Variants in CCNY observed in about 807,000 individuals in gnomAD.
The protein encoded by CCNY is cyclin Y.
CCNY carries 19 observed loss-of-function variants against 42.8 expected under a neutral mutation model. The ratio of observed to expected loss-of-function variants is 0.44; its 90% CI spans 0.31 to 0.65. The LOEUF is 0.65. CCNY is among the 30% of genes least tolerant of loss of function. CCNY has a pLI of 0.07. For missense variants in CCNY, 370 were observed against 437.3 expected, an observed-to-expected ratio of 0.85 and a Z score of 1.37; for synonymous variants, 165 against 162.7, an observed-to-expected ratio of 1.01 and a Z score of -0.11.
At chr10:35,516,109 G>A in intron 3 of CCNY, among the ~76,000 whole-genome samples, 1 of 152,190 alleles carries the variant, frequency 6.6e-6, no homozygotes, top group East Asian at 1.9e-4. Flanking sequence ...CAAGAGTAAG[G>A]AAAGTGGGTA....
chr10:35,521,707 A>C (rs1393680105), intron 4 of CCNY, among the ~76,000 whole-genome samples: 1 of 152,164 alleles, frequency 6.6e-6, no homozygotes, highest in Non-Finnish European at 1.5e-5. Context: ...TTTGTTGCAC[A>C]GATTGACAGT....
At position 35,563,244 on chromosome 10, in the gene CCNY, A is replaced by G. The variant is rs571060799; in HGVS notation, c.747-2779A>G. Among the ~76,000 whole-genome samples the G allele has an allele frequency of 4.6e-5, 7 of 152,194 alleles. No homozygotes were observed. In the South Asian group the frequency reaches 1.0e-3, roughly 23 times the overall value. ...TGAAAATACAACAGCTCTAAAATCT[A>G]TTTTCCCAAAGCTTAACCAGAAACT... On this transcript the variant is annotated intron_variant, in intron 8 of 9. Transcript: ENST00000374704.
chr10:35,482,088 C>G (rs1049952849), intron 1 of CCNY, among the ~76,000 whole-genome samples: 2 of 152,110 alleles, frequency 1.3e-5, no homozygotes, highest in African/African-American at 4.8e-5. Context: ...AGGAACTGGC[C>G]CAGTAGCCAT....
At chr10:35,326,832 T>TGA (rs1324070979) in intron 3 of CCNY, among the ~76,000 whole-genome samples, 1 of 152,204 alleles carries the variant, frequency 6.6e-6, no homozygotes, top group African/African-American at 2.4e-5. Context: ...GAGGCTGCAC[T>TGA]GAGCTATGAT....
At chr10:35,264,598 G>A (rs2095723069) in intron 3 of CCNY, among the ~76,000 whole-genome samples, 1 of 151,790 alleles carries the variant, frequency 6.6e-6, no homozygotes, top group Admixed American at 6.6e-5. Flanking sequence ...ATGTTTGTTG[G>A]CCACATGTAT....
At chr10:35,398,442 T>C (rs1183736572) in intron 1 of CCNY, among the ~76,000 whole-genome samples, 1 of 152,234 alleles carries the variant, frequency 6.6e-6, no homozygotes, top group Non-Finnish European at 1.5e-5. Flanking sequence ...CAGGTCCTTT[T>C]GTTACGACTG....
At chr10:35,429,202 C>T (rs1012207667) in intron 1 of CCNY, among the ~76,000 whole-genome samples, 6 of 152,258 alleles carry the variant, frequency 3.9e-5, no homozygotes, top group East Asian at 3.9e-4. Flanking sequence ...ACAGATTGAA[C>T]GCTGAAGCAG....
chr10:35,503,996 G>T lies in CCNY; in HGVS notation c.264+2461G>T, dbSNP rs1840164847. 2.0e-5 allele frequency among the ~76,000 whole-genome samples: 3 copies of T among 152,294 alleles called. No individual in the cohort carries two copies. The South Asian group carries it at 6.2e-4, about 32-fold the overall frequency. On this transcript the variant is annotated intron_variant, in intron 3 of 9. Transcript: ENST00000374704. ...GATCTCAACTGAAATTTATCATTTA[G>T]TTTGTTACTGAACTCTGGAGTGATA...
chr10:35,533,410 TC>T (rs1390610336), intron 7 of CCNY, among the ~76,000 whole-genome samples: 1 of 152,068 alleles, frequency 6.6e-6, no homozygotes. Context: ...AGATTAAGCC[TC>T]CCATCTCTGC....
chr10:35,426,637 A>C (rs1462677443), intron 1 of CCNY, among the ~76,000 whole-genome samples: 1 of 152,244 alleles, frequency 6.6e-6, no homozygotes, highest in Admixed American at 6.5e-5. Flanking sequence ...AGTGTGATAC[A>C]TTAAATTGTC....
At chr10:35,453,087 G>A (rs913860779) in intron 1 of CCNY, among the ~76,000 whole-genome samples, 1 of 152,142 alleles carries the variant, frequency 6.6e-6, no homozygotes, top group Admixed American at 6.5e-5. Flanking sequence ...CATTCCTCTT[G>A]TCTCAGCCAC....
chr10:35,461,809 G>A (rs1753611645), intron 1 of CCNY, among the ~76,000 whole-genome samples: 1 of 152,122 alleles, frequency 6.6e-6, no homozygotes. Context: ...TTTGAAAGTG[G>A]AAATGTCTGA....
chr10:35,304,782 C>T (rs968102556), intron 3 of CCNY, among the ~76,000 whole-genome samples: 14 of 152,154 alleles, frequency 9.2e-5, no homozygotes, highest in African/African-American at 2.9e-4. Context: ...GTGGCATCCC[C>T]TAGTTGCAAC....
At chr10:35,556,822 T>C (rs561317303) in intron 8 of CCNY, among the ~76,000 whole-genome samples, 110 of 152,170 alleles carry the variant, frequency 7.2e-4, no homozygotes, top group African/African-American at 2.6e-3. Flanking sequence ...AGAAGTAGTT[T>C]GGAAAATTTT....
chr10:35,510,441 T>C (rs1840303411), intron 3 of CCNY, among the ~76,000 whole-genome samples: 1 of 152,180 alleles, frequency 6.6e-6, no homozygotes, highest in Admixed American at 6.5e-5. Flanking sequence ...GGTCTCGAAC[T>C]CCTGGGCTCA....
In CCNY at chr10:35,479,316, T is replaced by C. The variant is rs570914650; in HGVS notation, c.155-4088T>C. On this transcript the variant is annotated intron_variant, in intron 1 of 9. Transcript: ENST00000374704. ...AAAGGCACATGCACACGTATGTTTATTGCGGCATTATTCACAATAGCAAAG... is the reference window on the plus strand; with the variant it reads ...AAAGGCACATGCACACGTATGTTTACTGCGGCATTATTCACAATAGCAAAG... Among the ~76,000 whole-genome samples the C allele has an allele frequency of 2.9e-3, 437 of 151,100 alleles. 6 individuals are homozygous for C. Among genetic ancestry groups the C allele is most frequent in the African/African-American group, 0.01 (414 of 41,068 alleles).
At chr10:35,338,953 T>C (rs943731675) in intron 1 of CCNY, among the ~76,000 whole-genome samples, 4 of 152,182 alleles carry the variant, frequency 2.6e-5, no homozygotes, top group African/African-American at 7.2e-5. Context: ...TGAAATGATA[T>C]TGTGTGTTCT....
At chr10:35,503,646 G>A (rs1244491274) in intron 3 of CCNY, among the ~76,000 whole-genome samples, 2 of 152,222 alleles carry the variant, frequency 1.3e-5, no homozygotes, top group African/African-American at 4.8e-5. Context: ...GCTTTAAAGT[G>A]TGTGTGCCAG....
Position 35,257,243 on chromosome 10 carries a change from T to TTCC in CCNY, c.-9+6618_-9+6619insCCT, listed in dbSNP as rs1418925396. 8.6e-5 allele frequency among the ~76,000 whole-genome samples: 9 copies of TTCC among 104,442 alleles called. No individual in the cohort carries two copies. The East Asian group carries it at 2.2e-3, about 26-fold the overall frequency. The allele number at this position is 104,442 out of a possible 152,430, so 68.5% of individuals were successfully genotyped here. A position where few individuals can be genotyped will look rare whatever the true frequency, so the allele number is the denominator to read the frequency against. On this transcript the variant is annotated intron_variant, in intron 3 of 11. Transcript: ENST00000374706. ...CCCTCCCTCCCTCCCTTCCTTCCTC[T>TTCC]TTCTTTCTCTCTCTCTTTCTCCCTT... is the stretch of plus-strand genomic sequence containing the variant.
Sources: gnomAD v4.1 joint callset for allele counts (sites outside exome capture counted in the v4.1 genomes callset) on GRCh38, gnomAD v4.1.1 for gene constraint, MANE v1.5 for transcripts, NCBI Gene and HGNC (gene_info 2026-07-23, HGNC 2026-07-21) for gene names.